Variants in CHN1 observed in about 807,000 individuals in gnomAD.
The protein encoded by CHN1 is chimerin 1.
CHN1 carries 37 observed loss-of-function variants against 59.5 expected under a neutral mutation model. The ratio of observed to expected loss-of-function variants is 0.62; its 90% CI spans 0.48 to 0.82. The LOEUF is 0.82. CHN1 is among the 40% of genes least tolerant of loss of function. The pLI is 0.00. For synonymous variants in CHN1, 206 were observed against 200.4 expected, an observed-to-expected ratio of 1.03 and a Z score of -0.24; for missense variants, 469 against 571.0, an observed-to-expected ratio of 0.82 and a Z score of 1.82.
At chr2:174,901,313 C>T (rs1016015700) in intron 5 of CHN1, among the ~76,000 whole-genome samples, 66 of 152,300 alleles carry the variant, frequency 4.3e-4, no homozygotes, top group Middle Eastern at 3.4e-3. Context: ...ACATGCTGGT[C>T]GGGCTTCTAG....
In CHN1 at chr2:174,877,954, G is replaced by T. The variant is rs527929031; in HGVS notation, c.435C>A (p.His145Gln). The change falls in exon 6 of 13, where the codon CAC (histidine) becomes CAA (glutamine). Residue 145 changes from histidine (H) to glutamine (Q), a missense_variant. This residue lies in a region of CHN1 where 8 missense variants were observed against 25.4 expected (regional missense o/e 0.32). Transcript: ENST00000409900. ...AKMTINPIYE[H>Q]VGYTTLNREP... ...CTCTGTTTAAGGTTGTGTATCCTAC[G>T]TGCTCATAAATTGGGTTTATCGTCA... 2.9e-5 allele frequency: 47 copies of T among 1,613,548 alleles called. No individual in the cohort carries two copies. Among genetic ancestry groups the T allele is most frequent in the Non-Finnish European group, 1.9e-5 (23 of 1,179,820 alleles).
chr2:174,950,777 GT>G lies in CHN1; in HGVS notation c.58+1386del, dbSNP rs34886920. 2.0e-3 allele frequency among the ~76,000 whole-genome samples: 253 copies of G among 127,300 alleles called. 2 individuals carry two copies. Among genetic ancestry groups the G allele is most frequent in the Admixed American group, 4.4e-3 (55 of 12,556 alleles). 83.5% of individuals were successfully genotyped at this position (127,300 alleles called of 152,430 possible). On this transcript the variant is annotated intron_variant, in intron 2 of 12. Transcript: ENST00000409900. ...ACTGAAAACCAGAAAATGCAGAGAAGTTTTTTTTTTTTTTTTTTTTGAGATG... is the reference window on the plus strand; with the variant it reads ...ACTGAAAACCAGAAAATGCAGAGAAGTTTTTTTTTTTTTTTTTTTGAGATG...
chr2:174,930,044 C>T (rs146643274), intron 3 of CHN1, among the ~76,000 whole-genome samples: 30 of 152,320 alleles, frequency 2.0e-4, no homozygotes, highest in Non-Finnish European at 3.1e-4. Context: ...TTATCTTTAA[C>T]AGGATACTTT....
At chr2:174,849,694 A>T (rs774980561) in intron 6 of CHN1, among the ~76,000 whole-genome samples, 1 of 152,160 alleles carries the variant, frequency 6.6e-6, no homozygotes, top group Non-Finnish European at 1.5e-5. Context: ...TTGAGTACAT[A>T]TATTCCAGAC....
chr2:174,969,446 G>A (rs1690687423), intron 1 of CHN1, among the ~76,000 whole-genome samples: 1 of 152,126 alleles, frequency 6.6e-6, no homozygotes, highest in African/African-American at 2.4e-5. Flanking sequence ...AAGACCTTGG[G>A]TGACCTGTCC....
At chr2:174,930,560 G>C (rs938288386) in intron 3 of CHN1, among the ~76,000 whole-genome samples, 46 of 152,160 alleles carry the variant, frequency 3.0e-4, no homozygotes, top group African/African-American at 1.1e-3. Flanking sequence ...AGTCAAGTAG[G>C]TTGTACCTAG....
intron 1 of CHN1, among the ~76,000 whole-genome samples, chr2:174,972,749 C>T (rs116378706): frequency 0.013 from 1,944 of 152,220 alleles, 34 homozygotes; most frequent in African/African-American, 0.044. Flanking sequence ...AGCGTTATCA[C>T]GTAAGGAATT....
intron 5 of CHN1, among the ~76,000 whole-genome samples, chr2:174,901,880 G>A (rs893695963): frequency 2.0e-5 from 3 of 152,136 alleles, no homozygotes; most frequent in Non-Finnish European, 4.4e-5. Context: ...TTTTTAAAAA[G>A]GGGAGGTGAA....
intron 8 of CHN1, among the ~76,000 whole-genome samples, chr2:174,819,158 A>G (rs1352339030): frequency 6.6e-6 from 1 of 152,246 alleles, no homozygotes; most frequent in East Asian, 1.9e-4. Context: ...GGGCTCCATG[A>G]AACTTTTAAG....
At chr2:174,923,560 T>C (rs1289559451) in intron 3 of CHN1, among the ~76,000 whole-genome samples, 2 of 152,196 alleles carry the variant, frequency 1.3e-5, no homozygotes, top group Non-Finnish European at 1.5e-5. Flanking sequence ...CATGAGATCT[T>C]TGCAGGTAGT....
intron 5 of CHN1, among the ~76,000 whole-genome samples, chr2:174,897,262 T>G (rs1202059630): frequency 6.6e-6 from 1 of 152,192 alleles, no homozygotes; most frequent in Non-Finnish European, 1.5e-5. Flanking sequence ...GAATTTTTAT[T>G]GTTTGGCACA....
intron 8 of CHN1, among the ~76,000 whole-genome samples, chr2:174,818,702 CAT>C (rs577798094): frequency 2.7e-4 from 41 of 152,106 alleles, no homozygotes; most frequent in Non-Finnish European, 4.9e-4. Context: ...ATAGAATAAA[CAT>C]ATGAAAGGAG....
intron 6 of CHN1, chr2:174,847,411 G>T: frequency 8.2e-7 from 1 of 1,212,158 alleles, no homozygotes; most frequent in South Asian, 2.9e-5. Flanking sequence ...AAGAGTCGAT[G>T]CTAACATACA....
intron 7 of CHN1, among the ~76,000 whole-genome samples, chr2:174,831,817 A>G (rs914439916): frequency 6.6e-6 from 1 of 152,168 alleles, no homozygotes; most frequent in Non-Finnish European, 1.5e-5. Flanking sequence ...ACTGAGATGA[A>G]TGAGTTCGTA....
intron 3 of CHN1, among the ~76,000 whole-genome samples, chr2:174,928,839 T>C (rs1391336609): frequency 6.6e-6 from 1 of 152,196 alleles, no homozygotes; most frequent in Non-Finnish European, 1.5e-5. Context: ...CTTTAAGCCA[T>C]AGAAAATATC....
At chr2:174,843,489 G>A (rs974344642) in intron 7 of CHN1, among the ~76,000 whole-genome samples, 4 of 151,878 alleles carry the variant, frequency 2.6e-5, no homozygotes, top group African/African-American at 4.8e-5. Context: ...TGCCCACCTC[G>A]GCCTCCCAAA....
chr2:174,830,816 G>A (rs770197749), intron 7 of CHN1, among the ~76,000 whole-genome samples: 5 of 152,164 alleles, frequency 3.3e-5, no homozygotes, highest in Admixed American at 2.6e-4. Context: ...GTGGCCACAC[G>A]GGAGAATTTG....
chr2:174,930,001 G>A (rs1479852694), intron 3 of CHN1, among the ~76,000 whole-genome samples: 1 of 152,218 alleles, frequency 6.6e-6, no homozygotes, highest in Non-Finnish European at 1.5e-5. Context: ...CCCTAACAGG[G>A]TTCCAGGGGA....
Position 174,926,587 on chromosome 2 carries a change from T to G in CHN1, c.115-8022A>C, listed in dbSNP as rs868493075. 2.0e-5 allele frequency among the ~76,000 whole-genome samples: 3 copies of G among 152,258 alleles called. No homozygotes were observed. The South Asian group carries it at 6.2e-4, about 32-fold the overall frequency. Reference sequence around the variant, plus strand: ...ACTCCAAGTCAACCCTGTGCCAACCTGAGACAAATGCATATCTGACTGCTT... The same window carrying G: ...ACTCCAAGTCAACCCTGTGCCAACCGGAGACAAATGCATATCTGACTGCTT... On this transcript the variant is annotated intron_variant, in intron 3 of 12. Transcript: ENST00000409900.
Sources: allele counts gnomAD v4.1 joint callset (sites outside exome capture counted in the v4.1 genomes callset), GRCh38; gene constraint gnomAD v4.1.1; regional missense constraint gnomAD v4.1.1; transcripts MANE v1.5; gene names NCBI Gene and HGNC (gene_info 2026-07-23, HGNC 2026-07-21).